Variants in ITGA6 observed in about 807,000 individuals in gnomAD.
ITGA6 encodes integrin alpha-6.
ITGA6 carries 63 observed loss-of-function variants against 133.6 expected under a neutral mutation model. That is an observed-to-expected ratio of 0.47 (90% CI 0.38 to 0.58). The LOEUF is 0.58. Ranked by LOEUF, ITGA6 falls within the 20% of genes least tolerant of loss-of-function variation. The pLI is 0.00. For missense variants in ITGA6, 1,068 were observed against 1,309.4 expected, an observed-to-expected ratio of 0.82 and a Z score of 2.85; for synonymous variants, 434 against 482.0, an observed-to-expected ratio of 0.90 and a Z score of 1.30.
intron 1 of ITGA6, among the ~76,000 whole-genome samples, chr2:172,448,034 C>T (rs1430180576): frequency 2.0e-5 from 3 of 151,988 alleles, no homozygotes; most frequent in African/African-American, 2.4e-5. Context: ...AACCCTCAGG[C>T]GCAAATGTCA....
At position 172,475,586 on chromosome 2, in the gene ITGA6, G is replaced by A; in HGVS notation, c.1181-11G>A. The A allele has an allele frequency of 1.4e-6, 2 of 1,481,212 alleles. No homozygotes were observed. The highest frequency in any genetic ancestry group is 1.9e-6 in the Non-Finnish European group (2 of 1,058,842). The allele number at this position is 1,481,212 out of a possible 1,614,324, so 91.8% of individuals were successfully genotyped here. On this transcript the variant is annotated splice_polypyrimidine_tract_variant and intron_variant, in intron 7 of 25. Coordinates refer to ENST00000684293, the MANE Select transcript of ITGA6 (RefSeq NM_000210.4). ...GTTTGTTAAAATGTTAAAATGTGAT[G>A]TTGTCAACAGATATTGCAGTTGGAG...
intron 1 of ITGA6, among the ~76,000 whole-genome samples, chr2:172,463,885 G>A (rs537284594): frequency 7.9e-5 from 12 of 152,186 alleles, no homozygotes; most frequent in Non-Finnish European, 1.5e-4. Context: ...TCCTGGGATC[G>A]GGGACATCAC....
intron 1 of ITGA6, among the ~76,000 whole-genome samples, chr2:172,433,298 C>G (rs1240710216): frequency 6.6e-6 from 1 of 152,190 alleles, no homozygotes; most frequent in African/African-American, 2.4e-5. Context: ...CAGCCTAGAT[C>G]TGTTACGTCA....
At chr2:172,459,845 G>C (rs1208863880) in intron 1 of ITGA6, among the ~76,000 whole-genome samples, 1 of 152,214 alleles carries the variant, frequency 6.6e-6, no homozygotes, top group Non-Finnish European at 1.5e-5. Flanking sequence ...CAGAACATCA[G>C]GTCTACATTG....
intron 1 of ITGA6, among the ~76,000 whole-genome samples, chr2:172,440,397 G>GATACATAACA (rs1684491861): frequency 2.0e-5 from 3 of 152,054 alleles, no homozygotes; most frequent in Non-Finnish European, 2.9e-5. Flanking sequence ...AAAAATTGTG[G>GATACATAACA]TAAAATATAC....
chr2:172,493,124 T>G (rs1408549452), intron 23 of ITGA6, among the ~76,000 whole-genome samples: 2 of 151,986 alleles, frequency 1.3e-5, no homozygotes, highest in Non-Finnish European at 2.9e-5. Flanking sequence ...CCCAGGCTGG[T>G]CTTTAACTCC....
At chr2:172,501,968 G>T in intron 25 of ITGA6, 67 bp downstream of exon 25, 2 of 1,402,866 alleles carry the variant, frequency 1.4e-6, no homozygotes, top group South Asian at 2.4e-5. Context: ...CTAACTTTAA[G>T]AACAACAGCT....
At chr2:172,450,862 AATATACAAATATATTTATATATTT>A (rs1553529352) in intron 1 of ITGA6, among the ~76,000 whole-genome samples, 1 of 139,650 alleles carries the variant, frequency 7.2e-6, no homozygotes, top group East Asian at 1.9e-4. Flanking sequence ...GTATTTATAT[AATATACAAATATATTTATATATTT>A]ATATACAAAT....
intron 1 of ITGA6, among the ~76,000 whole-genome samples, chr2:172,450,817 T>C (rs6721597): frequency 6.8e-6 from 1 of 146,602 alleles, no homozygotes; most frequent in African/African-American, 2.5e-5. Context: ...TTTGTATGTA[T>C]GTGTATATAT....
At chr2:172,434,417 G>A (rs570290808) in intron 1 of ITGA6, among the ~76,000 whole-genome samples, 2 of 152,234 alleles carry the variant, frequency 1.3e-5, no homozygotes, top group African/African-American at 4.8e-5. Context: ...AACAAGGCAA[G>A]ACGATCTCAA....
intron 1 of ITGA6, among the ~76,000 whole-genome samples, chr2:172,453,358 C>G (rs1464502581): frequency 2.6e-5 from 4 of 152,066 alleles, no homozygotes; most frequent in Non-Finnish European, 5.9e-5. Context: ...AGAACCCCGT[C>G]TCTACTAAAA....
rs768596103 is a variant in ITGA6, at chr2:172,487,058, T to C, written c.1890T>C (p.Asn630=). The change falls in exon 14 of 26, where the codon AAT becomes AAC. Residue 630 remains asparagine (N), a synonymous_variant. Coordinates refer to ENST00000684293, the MANE Select transcript of ITGA6 (RefSeq NM_000210.4). ...HFLKEGCGDD[N]VCNSNLKLEY... ...TAAAAGAGGGATGTGGAGACGACAA[T>C]GTATGTAACAGCAACCTTAAACTAG... 1.8e-5 allele frequency: 29 copies of C among 1,612,436 alleles called. No homozygotes were observed. The highest frequency in any genetic ancestry group is 2.2e-5 in the Non-Finnish European group (26 of 1,178,602).
chr2:172,491,110 A>G lies in ITGA6; in HGVS notation c.2766A>G (p.Lys922=). ...NRKFSLFAER[K]YQTLNCSVNV... ...AATTTTCTTTATTTGCTGAAAGAAA[A>G]TACCAGACTCTTGTAAGTATTTTTC... Residue 922 remains lysine (K), a synonymous_variant, in exon 21 of 26, where the codon AAA becomes AAG. Coordinates refer to ENST00000684293, the MANE Select transcript of ITGA6 (RefSeq NM_000210.4). The surrounding 1 kb of genome is among the most constrained non-coding windows in gnomAD (Gnocchi z 4.4). 3 of 1,520,612 alleles carry G rather than the reference A, an allele frequency of 2.0e-6. No homozygotes were observed. Among genetic ancestry groups the G allele is most frequent in the Non-Finnish European group, 2.7e-6 (3 of 1,094,766 alleles). The allele number at this position is 1,520,612 out of a possible 1,614,324, so 94.2% of individuals were successfully genotyped here.
At position 172,475,679 on chromosome 2, in the gene ITGA6, A is replaced by G; in HGVS notation, c.1263A>G (p.Pro421=). 1 of 1,562,936 alleles carries G rather than the reference A, an allele frequency of 6.4e-7. No homozygotes were observed. The highest frequency in any genetic ancestry group is 1.1e-5 in the South Asian group (1 of 90,062). Residue 421 remains proline, a synonymous_variant, in exon 8 of 26, where the codon CCA becomes CCG. Transcript: ENST00000684293. ...CTGCAAATGGAATAAATACCAAACCAACACAGGTAACCAAATAACCGGGAT... is the reference window on the plus strand; with the variant it reads ...CTGCAAATGGAATAAATACCAAACCGACACAGGTAACCAAATAACCGGGAT... ...HGSANGINTK[P]TQVLKGISPY... is the part of the protein sequence containing the mutation.
chr2:172,456,213 G>GGA (rs951514446), intron 1 of ITGA6, among the ~76,000 whole-genome samples: 3 of 152,232 alleles, frequency 2.0e-5, no homozygotes, highest in African/African-American at 7.2e-5. Context: ...CTGCGGGAAA[G>GGA]GAGAGGGACT....
intron 23 of ITGA6, among the ~76,000 whole-genome samples, chr2:172,494,904 C>T (rs773251400): frequency 6.6e-6 from 1 of 152,116 alleles, no homozygotes; most frequent in African/African-American, 2.4e-5. Flanking sequence ...CAAAAAAATG[C>T]ATAATTCTTC....
At chr2:172,446,102 C>T (rs1209840818) in intron 1 of ITGA6, among the ~76,000 whole-genome samples, 1 of 152,196 alleles carries the variant, frequency 6.6e-6, no homozygotes, top group Non-Finnish European at 1.5e-5. Context: ...TCTGGCAGAG[C>T]TACTAAGCCT....
intron 11 of ITGA6, among the ~76,000 whole-genome samples, chr2:172,483,196 A>G (rs1686526662): frequency 6.6e-6 from 1 of 152,108 alleles, no homozygotes; most frequent in African/African-American, 2.4e-5. Flanking sequence ...CACTGCTGGG[A>G]GGTGGAAGGG....
chr2:172,475,737 T>C (rs759278407), intron 8 of ITGA6, 52 bp downstream of exon 8: 2 of 965,878 alleles, frequency 2.1e-6, no homozygotes, highest in East Asian at 4.8e-5. Context: ...TTTTGCCCTA[T>C]AATAAAATAT....
Sources: gnomAD v4.1 joint callset for allele counts (sites outside exome capture counted in the v4.1 genomes callset) on GRCh38, gnomAD v4.1.1 for gene constraint, Gnocchi (gnomAD v3.1) non-coding constraint, MANE v1.5 for transcripts, NCBI Gene and HGNC (gene_info 2026-07-23, HGNC 2026-07-21) for gene names.